The following FARSB variants were observed in gnomAD, a reference collection of about 807,000 sequenced individuals.
FARSB encodes phenylalanyl-tRNA synthetase subunit beta, also known as phenylalanine--tRNA ligase beta subunit.
FARSB carries 40 observed loss-of-function variants against 69.6 expected under a neutral mutation model. The ratio of observed to expected loss-of-function variants is 0.57; its 90% CI spans 0.45 to 0.75. The LOEUF is 0.75. Ranked by LOEUF, FARSB falls within the 30% of genes least tolerant of loss-of-function variation. FARSB has a pLI of 0.00. For missense variants in FARSB, 632 were observed against 722.9 expected (o/e 0.87, Z 1.44); for synonymous variants, 235 against 247.2 (o/e 0.95, Z 0.46).
chr2:222,624,925 A>G (rs1009759842), intron 10 of FARSB, 150 bp from the exon 11 acceptor site: 3 of 563,436 alleles, frequency 5.3e-6, no homozygotes, highest in Non-Finnish European at 9.4e-6. Flanking sequence ...TTTCAAAAAC[A>G]GTATTATGAG....
rs1007094429 is a variant in FARSB, at chr2:222,633,575, G to A, written c.607-268C>T. On this transcript the variant is annotated intron_variant, in intron 6 of 16. Coordinates refer to ENST00000281828, the MANE Select transcript of FARSB (RefSeq NM_005687.5). Reference sequence around the variant, plus strand: ...CACATGCCTGTAATCCCAGCTACTCGGGAGGCTGAGGCAGGAGGATCACTT... The same window carrying A: ...CACATGCCTGTAATCCCAGCTACTCAGGAGGCTGAGGCAGGAGGATCACTT... Among the ~76,000 whole-genome samples the A allele has an allele frequency of 1.8e-4, 28 of 151,570 alleles. No individual in the cohort carries two copies. The South Asian group carries it at 1.9e-3, about 10-fold the overall frequency.
intron 11 of FARSB, 113 bp from the exon 12 acceptor site, chr2:222,624,592 T>C: frequency 1.1e-6 from 1 of 939,012 alleles, no homozygotes; most frequent in Non-Finnish European, 1.7e-6. Context: ...TTGAGTTCTA[T>C]CAGAAACCAG....
At chr2:222,634,272 G>A (rs1691516570) in intron 6 of FARSB, 119 bp downstream of exon 6, 1 of 608,718 alleles carries the variant, frequency 1.6e-6, no homozygotes, top group African/African-American at 1.8e-5. Flanking sequence ...CTCTAGGTTG[G>A]AGTCCAGACA....
chr2:222,592,208 T>C (rs1216213588), intron 16 of FARSB, among the ~76,000 whole-genome samples: 1 of 152,182 alleles, frequency 6.6e-6, no homozygotes, highest in Non-Finnish European at 1.5e-5. Flanking sequence ...AAAAAGGCCT[T>C]TATTTTTTGT....
chr2:222,614,695 A>G (rs1427528110), intron 14 of FARSB, among the ~76,000 whole-genome samples: 1 of 152,186 alleles, frequency 6.6e-6, no homozygotes, highest in Non-Finnish European at 1.5e-5. Flanking sequence ...TTTAAAAATT[A>G]GCTAGGTATG....
intron 8 of FARSB, among the ~76,000 whole-genome samples, chr2:222,630,415 A>G (rs1265011086): frequency 6.6e-6 from 1 of 151,828 alleles, no homozygotes; most frequent in Admixed American, 6.6e-5. Context: ...TCGTTCCCCA[A>G]CCCCCAACCT....
chr2:222,571,180 G>A lies in FARSB; in HGVS notation c.*691C>T, dbSNP rs1689709855. 6.6e-6 allele frequency: 1 copy of A among 152,120 alleles called. No homozygotes were observed. The highest frequency in any genetic ancestry group is 2.4e-5 in the African/African-American group (1 of 41,422). The allele number at this position is 152,120 out of a possible 1,614,324, so 9.4% of individuals were successfully genotyped here. A position where few individuals can be genotyped will look rare whatever the true frequency, so the allele number is the denominator to read the frequency against. On this transcript the variant is annotated 3_prime_UTR_variant, in exon 17 of 17. Coordinates refer to ENST00000281828, the MANE Select transcript of FARSB (RefSeq NM_005687.5). ...TGTTTCCTAATGTTCATACTGCATT[G>A]ATATCAATACTTGTCCATTTTAACT...
At chr2:222,614,078 A>G in intron 14 of FARSB, 150 bp from the exon 15 acceptor site, 1 of 452,534 alleles carries the variant, frequency 2.2e-6, no homozygotes, top group South Asian at 6.4e-5. Flanking sequence ...GTCACTTTCA[A>G]TTTTCAATTC....
At chr2:222,611,334 A>C (rs1174447153) in intron 15 of FARSB, among the ~76,000 whole-genome samples, 1 of 152,076 alleles carries the variant, frequency 6.6e-6, no homozygotes, top group African/African-American at 2.4e-5. Context: ...CTTCCCAACG[A>C]AACAAAGTAC....
chr2:222,617,675 G>A (rs528379350), intron 14 of FARSB, among the ~76,000 whole-genome samples: 1 of 152,304 alleles, frequency 6.6e-6, no homozygotes, highest in Admixed American at 6.5e-5. Context: ...CTTGAGGCCG[G>A]GAGTTCGAGA....
chr2:222,655,975 G>A (rs1285649821), intron 1 of FARSB, 41 bp downstream of exon 1: 2 of 1,492,846 alleles, frequency 1.3e-6, no homozygotes, highest in Non-Finnish European at 1.8e-6. Context: ...CCCTGCCTCC[G>A]AGAAGAGGCG....
rs1370005758 is a variant in FARSB, at chr2:222,624,440, C to T, written c.1002G>A (p.Met334Ile). Residue 334 changes from methionine to isoleucine, a missense_variant, in exon 12 of 17, where the codon ATG becomes ATA. By Grantham distance (10) the Met-to-Ile change is conservative. Coordinates refer to ENST00000281828, the MANE Select transcript of FARSB (RefSeq NM_005687.5). ...PENLAKLLTR[M>I]YLKSEVIGDG... ...CACCTATGACTTCTGATTTTAAATACATCCTGGTCAGAAGTTTGGCAAGAT... is the reference window on the plus strand; with the variant it reads ...CACCTATGACTTCTGATTTTAAATATATCCTGGTCAGAAGTTTGGCAAGAT... 1 of 1,613,472 alleles carries T rather than the reference C, an allele frequency of 6.2e-7. No homozygotes were observed. Among genetic ancestry groups the T allele is most frequent in the East Asian group, 2.2e-5 (1 of 44,864 alleles).
intron 16 of FARSB, among the ~76,000 whole-genome samples, chr2:222,585,993 A>G (rs971571708): frequency 1.3e-5 from 2 of 152,178 alleles, no homozygotes; most frequent in Non-Finnish European, 2.9e-5. Flanking sequence ...GCCACCATTC[A>G]ATTCAGGAAA....
chr2:222,633,422 C>A lies in FARSB; in HGVS notation c.607-115G>T, dbSNP rs1449126989. 4 of 533,694 alleles carry A rather than the reference C, an allele frequency of 7.5e-6. No individual in the cohort carries two copies. The African/African-American group carries it at 8.1e-5, about 11-fold the overall frequency. 33.1% of individuals were successfully genotyped at this position (533,694 alleles called of 1,614,324 possible). On this transcript the variant is annotated intron_variant, in intron 6 of 16. Coordinates refer to ENST00000281828, the MANE Select transcript of FARSB (RefSeq NM_005687.5). Reference sequence around the variant, plus strand: ...AGAACGCCAGGTGTGGTGGCTCATGCCTGTAATCCCAGCACTTTGGGAGGC... The same window carrying A: ...AGAACGCCAGGTGTGGTGGCTCATGACTGTAATCCCAGCACTTTGGGAGGC...
chr2:222,643,687 G>A (rs1456469732), intron 2 of FARSB, among the ~76,000 whole-genome samples: 1 of 152,130 alleles, frequency 6.6e-6, no homozygotes, highest in Non-Finnish European at 1.5e-5. Context: ...ATCAGACACT[G>A]GTAAAAATTA....
At chr2:222,615,067 A>C (rs981016030) in intron 14 of FARSB, among the ~76,000 whole-genome samples, 1 of 152,170 alleles carries the variant, frequency 6.6e-6, no homozygotes, top group African/African-American at 2.4e-5. Flanking sequence ...CATTCTTCCT[A>C]TTCCTAAGAA....
intron 16 of FARSB, among the ~76,000 whole-genome samples, chr2:222,590,527 A>G (rs1195878886): frequency 6.7e-6 from 1 of 150,232 alleles, no homozygotes; most frequent in East Asian, 2.0e-4. Flanking sequence ...AAAAAAAAAA[A>G]GATATCCTAC....
chr2:222,597,284 T>C (rs918291612), intron 16 of FARSB, among the ~76,000 whole-genome samples: 1 of 152,206 alleles, frequency 6.6e-6, no homozygotes, highest in Admixed American at 6.5e-5. Flanking sequence ...TGTTCTACTA[T>C]GACAGCCAAT....
At chr2:222,597,961 T>C (rs1690464055) in intron 16 of FARSB, among the ~76,000 whole-genome samples, 1 of 152,190 alleles carries the variant, frequency 6.6e-6, no homozygotes, top group African/African-American at 2.4e-5. Flanking sequence ...ACTCCAAATA[T>C]AGTTTCAAGC....
Sources: gnomAD v4.1 joint callset for allele counts (sites outside exome capture counted in the v4.1 genomes callset) on GRCh38, gnomAD v4.1.1 for gene constraint, MANE v1.5 for transcripts, NCBI Gene and HGNC (gene_info 2026-07-23, HGNC 2026-07-21) for gene names.